MNAT1: variants seen among roughly 807,000 people sequenced by gnomAD.
The protein encoded by MNAT1 is MNAT1 component of CDK activating kinase.
A neutral mutation model predicts 42.0 loss-of-function variants in MNAT1; 43 were observed. That is an observed-to-expected ratio of 1.02 (90% confidence interval 0.80 to 1.32). MNAT1 has a LOEUF of 1.32. MNAT1 is among the 40% of genes most tolerant of loss of function. The pLI is 0.00. For synonymous variants in MNAT1, 118 were observed against 120.0 expected (o/e 0.98, Z 0.11); for missense variants, 306 against 350.4 (o/e 0.87, Z 1.01).
intron 6 of MNAT1, among the ~76,000 whole-genome samples, chr14:60,874,524 A>G (rs763788127): frequency 4.0e-5 from 6 of 150,994 alleles, no homozygotes; most frequent in Non-Finnish European, 5.9e-5. Context: ...TTCCTATTCT[A>G]TCTTTTTCTC....
intron 7 of MNAT1, among the ~76,000 whole-genome samples, chr14:60,897,662 A>T (rs1218382148): frequency 2.0e-5 from 3 of 152,104 alleles, no homozygotes; most frequent in Admixed American, 6.5e-5. Context: ...GAATATTTTT[A>T]CATGCATAGA....
chr14:60,881,062 A>C (rs1432608114), intron 7 of MNAT1, among the ~76,000 whole-genome samples: 1 of 152,216 alleles, frequency 6.6e-6, no homozygotes, highest in African/African-American at 2.4e-5. Flanking sequence ...CGTGAAGTTC[A>C]CGTGTTTAAA....
chr14:60,832,468 G>GT (rs1245612554), intron 6 of MNAT1, among the ~76,000 whole-genome samples: 1 of 152,120 alleles, frequency 6.6e-6, no homozygotes, highest in Non-Finnish European at 1.5e-5. Context: ...TGTCAGGTTT[G>GT]TCAAAGATCA....
chr14:60,896,146 G>A (rs116540405), intron 7 of MNAT1, among the ~76,000 whole-genome samples: 2,461 of 152,128 alleles, frequency 0.016, 44 homozygotes, highest in South Asian at 0.06. Context: ...TCATTCACAG[G>A]GTATCATTAG....
intron 6 of MNAT1, among the ~76,000 whole-genome samples, chr14:60,838,466 C>T (rs2033456923): frequency 1.3e-5 from 2 of 152,098 alleles, no homozygotes. Context: ...GTTTTCCATT[C>T]CATTGATATT....
intron 6 of MNAT1, among the ~76,000 whole-genome samples, chr14:60,829,701 C>T (rs551703164): frequency 6.6e-5 from 10 of 152,232 alleles, no homozygotes; most frequent in South Asian, 2.1e-4. Flanking sequence ...AGCTTTGATT[C>T]CTTTAGTCCC....
chr14:60,951,453 T>C (rs1487049635), intron 7 of MNAT1, among the ~76,000 whole-genome samples: 1 of 152,048 alleles, frequency 6.6e-6, no homozygotes, highest in Non-Finnish European at 1.5e-5. Flanking sequence ...AGCTCTACTG[T>C]ATTTTGTGTT....
At chr14:60,911,029 A>C (rs961766909) in intron 7 of MNAT1, among the ~76,000 whole-genome samples, 1 of 152,090 alleles carries the variant, frequency 6.6e-6, no homozygotes, top group Non-Finnish European at 1.5e-5. Context: ...TCAGAGATTC[A>C]ACTTCTTCCT....
intron 7 of MNAT1, among the ~76,000 whole-genome samples, chr14:60,898,580 C>T (rs773039539): frequency 6.6e-6 from 1 of 151,984 alleles, no homozygotes; most frequent in Non-Finnish European, 1.5e-5. Flanking sequence ...AGTTTCTATT[C>T]ATATTCTTTG....
Position 60,933,292 on chromosome 14 carries a change from C to G in MNAT1, c.810-34937C>G, listed in dbSNP as rs546209330. On this transcript the variant is annotated intron_variant, in intron 7 of 7. Transcript: ENST00000261245. ...ATTTGATCAATTAGGCATATCGACACAATGATAAATTGTTGTATTGCCGTT... is the reference window on the plus strand; with the variant it reads ...ATTTGATCAATTAGGCATATCGACAGAATGATAAATTGTTGTATTGCCGTT... 1.3e-4 allele frequency among the ~76,000 whole-genome samples: 20 copies of G among 152,096 alleles called. No individual in the cohort carries two copies. In the South Asian group the frequency reaches 3.9e-3, roughly 30 times the overall value.
Position 60,968,556 on chromosome 14 carries a change from C to T in MNAT1, c.*207C>T. On this transcript the variant is annotated 3_prime_UTR_variant, in exon 8 of 8. Coordinates refer to ENST00000261245, the MANE Select transcript of MNAT1 (RefSeq NM_002431.4). ...AAAAATAATTTTTACTTATATTTTT[C>T]AGAGGATTTGACACGATAAGCCTCA... 7.4e-7 allele frequency: 1 copy of T among 1,351,066 alleles called. No individual in the cohort carries two copies. Among genetic ancestry groups the T allele is most frequent in the Non-Finnish European group, 9.9e-7 (1 of 1,013,528 alleles). 83.7% of individuals were successfully genotyped at this position (1,351,066 alleles called of 1,614,324 possible). A position where few individuals can be genotyped will look rare whatever the true frequency, so the allele number is the denominator to read the frequency against.
intron 7 of MNAT1, among the ~76,000 whole-genome samples, chr14:60,888,656 T>G (rs1019998764): frequency 5.4e-5 from 8 of 148,966 alleles, no homozygotes; most frequent in African/African-American, 2.0e-4. Context: ...GGAAGTCAAA[T>G]TGTCCCTGTT....
At chr14:60,946,920 A>G (rs573643995) in intron 7 of MNAT1, among the ~76,000 whole-genome samples, 4 of 152,256 alleles carry the variant, frequency 2.6e-5, no homozygotes, top group East Asian at 1.9e-4. Context: ...GGCTGATTTG[A>G]TTGCTGGCGA....
At chr14:60,798,223 T>A in intron 3 of MNAT1, 63 bp downstream of exon 3, 1 of 828,900 alleles carries the variant, frequency 1.2e-6, no homozygotes, top group East Asian at 2.5e-5. Context: ...TTTAAATGCT[T>A]AGGAGAACAT....
At position 60,957,891 on chromosome 14, in the gene MNAT1, G is replaced by A. The variant is rs548483521; in HGVS notation, c.810-10338G>A. On this transcript the variant is annotated intron_variant, in intron 7 of 7. Coordinates refer to ENST00000261245, the MANE Select transcript of MNAT1 (RefSeq NM_002431.4). The stretch of plus-strand genomic sequence containing the variant: ...TCACTCTTGTTGCCCAGGGTAGAGT[G>A]CAGTGGCACGATCTCAGCTCACTGC... Among the ~76,000 whole-genome samples, 28 of 152,060 alleles carry A rather than the reference G, an allele frequency of 1.8e-4. No individual in the cohort carries two copies. The South Asian group carries it at 4.2e-3, about 23-fold the overall frequency.
In MNAT1 at chr14:60,750,231, C is replaced by CT. The variant is rs1186389806; in HGVS notation, c.89+15293dup. Among the ~76,000 whole-genome samples the CT allele has an allele frequency of 4.5e-3, 651 of 144,478 alleles. 1 individual carries two copies. Among genetic ancestry groups the CT allele is most frequent in the Non-Finnish European group, 6.2e-3 (409 of 65,462 alleles). 94.8% of individuals were successfully genotyped at this position (144,478 alleles called of 152,430 possible). A position where few individuals can be genotyped will look rare whatever the true frequency, so the allele number is the denominator to read the frequency against. ...AAAATAAATTCGTTTTTCTTTCTTT[C>CT]TTTTTTTTTTTTTGAGACGGAATCT... On this transcript the variant is annotated intron_variant, in intron 1 of 7. Coordinates refer to ENST00000261245, the MANE Select transcript of MNAT1 (RefSeq NM_002431.4).
chr14:60,736,494 G>A (rs145835093), intron 1 of MNAT1, among the ~76,000 whole-genome samples: 1 of 152,238 alleles, frequency 6.6e-6, no homozygotes, highest in East Asian at 1.9e-4. Context: ...TTTTTGTTAA[G>A]ATCTAAGAGT....
At chr14:60,826,608 C>T (rs1313057626) in intron 6 of MNAT1, among the ~76,000 whole-genome samples, 5 of 152,024 alleles carry the variant, frequency 3.3e-5, no homozygotes, top group East Asian at 1.9e-4. Context: ...CATGAGCCAC[C>T]GCACCCGGAC....
chr14:60,787,172 A>G (rs1199640522), intron 1 of MNAT1, among the ~76,000 whole-genome samples: 1 of 152,216 alleles, frequency 6.6e-6, no homozygotes, highest in Non-Finnish European at 1.5e-5. Flanking sequence ...GTTTCTGACC[A>G]CCACAGTAAA....
Sources: gnomAD v4.1 joint callset for allele counts (sites outside exome capture counted in the v4.1 genomes callset) on GRCh38, gnomAD v4.1.1 for gene constraint, MANE v1.5 for transcripts, NCBI Gene and HGNC (gene_info 2026-07-23, HGNC 2026-07-21) for gene names.